RORA: variants seen among roughly 807,000 people sequenced by gnomAD.
RORA encodes the protein nuclear receptor ROR-alpha.
A neutral mutation model predicts 69.5 loss-of-function variants in RORA; 7 were observed. The ratio of observed to expected loss-of-function variants is 0.10; its 90% CI spans 0.06 to 0.19. RORA has a LOEUF of 0.19. Among genes scored for constraint, RORA ranks in the 10% least tolerant of loss-of-function variants. The pLI, the probability that RORA is intolerant of heterozygous loss-of-function variation, is 1.00. For synonymous variants in RORA, 261 were observed against 240.8 expected (o/e 1.08, Z -0.78); for missense variants, 457 against 663.0 (o/e 0.69, Z 3.41).
intron 1 of RORA, among the ~76,000 whole-genome samples, chr15:60,689,617 G>A (rs2070794459): frequency 1.3e-5 from 2 of 152,140 alleles, no homozygotes; most frequent in Admixed American, 1.3e-4. Context: ...TAATTAAGAT[G>A]AGGCAATACT....
chr15:61,007,255 G>A (rs1036982627), intron 1 of RORA, among the ~76,000 whole-genome samples: 2 of 152,058 alleles, frequency 1.3e-5, no homozygotes, highest in African/African-American at 4.8e-5. Context: ...TAATTCAGAG[G>A]TTCAAAATGG....
chr15:60,612,661 G>GTTTTT (rs71122864), intron 2 of RORA, among the ~76,000 whole-genome samples: 26 of 107,134 alleles, frequency 2.4e-4, no homozygotes, highest in Non-Finnish European at 4.2e-4. Flanking sequence ...CTCTCTCTCT[G>GTTTTT]TTTTTTTTTT....
At chr15:60,671,533 T>G (rs931491327) in intron 2 of RORA, among the ~76,000 whole-genome samples, 4 of 151,918 alleles carry the variant, frequency 2.6e-5, no homozygotes, top group Non-Finnish European at 4.4e-5. Context: ...TCCCAGCACT[T>G]TGGGAGGCTG....
chr15:61,207,082 G>GTA (rs34576706), intron 1 of RORA, among the ~76,000 whole-genome samples: 42,845 of 151,482 alleles, frequency 0.28, 6,625 homozygotes, highest in South Asian at 0.36. Flanking sequence ...ATACGTGTGT[G>GTA]TATATATATA....
chr15:60,850,734 C>A (rs1231258828), intron 1 of RORA, among the ~76,000 whole-genome samples: 2 of 152,122 alleles, frequency 1.3e-5, no homozygotes, highest in East Asian at 1.9e-4. Context: ...GAGCAGGGAG[C>A]CCTGTAGACA....
chr15:60,918,037 G>A (rs1473225594), intron 1 of RORA, among the ~76,000 whole-genome samples: 2 of 152,152 alleles, frequency 1.3e-5, no homozygotes, highest in East Asian at 1.9e-4. Flanking sequence ...GTCCCTGTAC[G>A]TAACCTCATC....
At chr15:61,143,535 C>G (rs189391918) in intron 1 of RORA, among the ~76,000 whole-genome samples, 2 of 152,220 alleles carry the variant, frequency 1.3e-5, no homozygotes, top group South Asian at 4.1e-4. Flanking sequence ...TTAAGACATA[C>G]AGTAAAGCTA....
At chr15:60,982,486 T>C (rs556958759) in intron 1 of RORA, among the ~76,000 whole-genome samples, 1 of 152,316 alleles carries the variant, frequency 6.6e-6, no homozygotes, top group East Asian at 1.9e-4. Flanking sequence ...CGTGCTCCCT[T>C]GGGAGCAGCT....
chr15:60,715,773 C>A (rs938920993), intron 1 of RORA, among the ~76,000 whole-genome samples: 11 of 152,072 alleles, frequency 7.2e-5, no homozygotes, highest in African/African-American at 2.7e-4. Context: ...TGCATGTACA[C>A]AAACACACTC....
At chr15:60,568,919 G>T (rs1319559876) in intron 2 of RORA, among the ~76,000 whole-genome samples, 1 of 146,690 alleles carries the variant, frequency 6.8e-6, no homozygotes, top group African/African-American at 2.6e-5. Context: ...TTTTCATATG[G>T]ATTTCAGTTT....
At chr15:60,683,763 C>T (rs2070694817) in intron 1 of RORA, among the ~76,000 whole-genome samples, 1 of 152,074 alleles carries the variant, frequency 6.6e-6, no homozygotes, top group African/African-American at 2.4e-5. Flanking sequence ...GCCAATTAAA[C>T]CCCTAAAACT....
intron 2 of RORA, among the ~76,000 whole-genome samples, chr15:60,544,569 C>T (rs8023943): frequency 1.3e-5 from 2 of 152,060 alleles, no homozygotes; most frequent in African/African-American, 4.8e-5. Context: ...CTTGCCATTA[C>T]AGATGAGACA....
At chr15:60,506,412 C>T (rs1284757107) in intron 5 of RORA, among the ~76,000 whole-genome samples, 1 of 152,160 alleles carries the variant, frequency 6.6e-6, no homozygotes, top group Non-Finnish European at 1.5e-5. Flanking sequence ...ATATGAAAGA[C>T]CTAGAGGCCA....
At chr15:60,943,790 C>T (rs1359365116) in intron 1 of RORA, among the ~76,000 whole-genome samples, 1 of 151,456 alleles carries the variant, frequency 6.6e-6, no homozygotes, top group East Asian at 1.9e-4. Flanking sequence ...GTAGCGTGTG[C>T]CTGTAATCCC....
intron 2 of RORA, among the ~76,000 whole-genome samples, chr15:60,626,068 C>T (rs1451268736): frequency 6.6e-6 from 1 of 152,204 alleles, no homozygotes; most frequent in African/African-American, 2.4e-5. Flanking sequence ...CCTCAGGGAG[C>T]CCAAAGGGAC....
At position 60,826,785 on chromosome 15, in the gene RORA, CTCTCTTT is replaced by C. The variant is rs748168319; in HGVS notation, c.167-148106_167-148100del. 4.8e-3 allele frequency among the ~76,000 whole-genome samples: 471 copies of C among 98,328 alleles called. 3 individuals are homozygous for C. Among genetic ancestry groups the C allele is most frequent in the South Asian group, 0.022 (85 of 3,934 alleles). The allele number at this position is 98,328 out of a possible 152,430, so 64.5% of individuals were successfully genotyped here. On this transcript the variant is annotated intron_variant, in intron 1 of 10. Coordinates refer to ENST00000335670, the MANE Select transcript of RORA (RefSeq NM_134261.3). ...TCTCTCCCTCTCTCTCTCTCTCTCT[CTCTCTTT>C]TTTTTTTAAAGACACACCTGTTCTT...
chr15:60,743,563 C>T (rs2071606375), intron 1 of RORA, among the ~76,000 whole-genome samples: 1 of 152,170 alleles, frequency 6.6e-6, no homozygotes, highest in African/African-American at 2.4e-5. Context: ...TGTCACTCTG[C>T]TATAGACACT....
rs957920422 is a variant in RORA, at chr15:61,093,688, T to C, written c.166+135365A>G. On this transcript the variant is annotated intron_variant, in intron 1 of 10. Coordinates refer to ENST00000335670, the MANE Select transcript of RORA (RefSeq NM_134261.3). ...GGAAAGCACCTTTCACATCAACCCTTTGGAAGTGGTGGTGTGGCAAAGCTG... is the reference window on the plus strand; with the variant it reads ...GGAAAGCACCTTTCACATCAACCCTCTGGAAGTGGTGGTGTGGCAAAGCTG... Among the ~76,000 whole-genome samples, 5 of 152,280 alleles carry C rather than the reference T, an allele frequency of 3.3e-5. 2 individuals carry two copies. In the South Asian group the frequency reaches 8.3e-4, roughly 25 times the overall value.
chr15:61,227,899 G>A (rs1012741708), intron 1 of RORA, among the ~76,000 whole-genome samples: 2 of 152,112 alleles, frequency 1.3e-5, no homozygotes, highest in African/African-American at 4.8e-5. Flanking sequence ...AACTCCAGGC[G>A]CATTCAAATA....
Sources: gnomAD v4.1 joint callset for allele counts (sites outside exome capture counted in the v4.1 genomes callset) on GRCh38, gnomAD v4.1.1 for gene constraint, MANE v1.5 for transcripts, NCBI Gene and HGNC (gene_info 2026-07-23, HGNC 2026-07-21) for gene names.